Variants in RBMS3 observed in about 807,000 individuals in gnomAD.
RBMS3 encodes RNA binding motif single stranded interacting protein 3, also known as RNA-binding motif, single-stranded-interacting protein 3.
RBMS3 carries 27 observed loss-of-function variants against 66.8 expected under a neutral mutation model. The observed-to-expected ratio is 0.40, with a 90% CI of 0.30 to 0.56. The LOEUF is 0.56. Among genes scored for constraint, RBMS3 ranks in the 20% least tolerant of loss-of-function variants. The pLI, the probability that RBMS3 is intolerant of heterozygous loss-of-function variation, is 0.40. For missense variants in RBMS3, 513 were observed against 549.5 expected (o/e 0.93, Z 0.66); for synonymous variants, 188 against 183.0 (o/e 1.03, Z -0.22).
chr3:29,659,193 G>A (rs967307790), intron 4 of RBMS3, among the ~76,000 whole-genome samples: 1 of 151,908 alleles, frequency 6.6e-6, no homozygotes, highest in East Asian at 1.9e-4. Context: ...AATGTACAGA[G>A]ATTTTTTTTC....
intron 4 of RBMS3, among the ~76,000 whole-genome samples, chr3:29,699,468 C>T (rs2052443647): frequency 1.3e-5 from 2 of 152,066 alleles, no homozygotes; most frequent in African/African-American, 4.8e-5. Context: ...TTTCTAATGG[C>T]TAAAATTCAG....
chr3:29,659,722 G>A (rs2050460980), intron 4 of RBMS3, among the ~76,000 whole-genome samples: 1 of 152,096 alleles, frequency 6.6e-6, no homozygotes, highest in Non-Finnish European at 1.5e-5. Context: ...CCTTGCTTTC[G>A]ATTTTGGTGG....
intron 3 of RBMS3, among the ~76,000 whole-genome samples, chr3:29,582,900 G>A (rs540747730): frequency 1.3e-5 from 2 of 152,194 alleles, no homozygotes; most frequent in Non-Finnish European, 2.9e-5. Flanking sequence ...GGTTACTTGA[G>A]ACATTTTTAC....
intron 3 of RBMS3, among the ~76,000 whole-genome samples, chr3:29,565,194 T>C (rs766038977): frequency 6.6e-6 from 1 of 152,188 alleles, no homozygotes; most frequent in Non-Finnish European, 1.5e-5. Flanking sequence ...GTTCCAAACG[T>C]TTATCTTGTA....
chr3:29,588,914 A>G (rs1051728179), intron 4 of RBMS3, among the ~76,000 whole-genome samples: 4 of 152,062 alleles, frequency 2.6e-5, no homozygotes, highest in East Asian at 3.9e-4. Flanking sequence ...CAAGAAAATG[A>G]ATAGAAAAAT....
chr3:29,730,775 A>T lies in RBMS3; in HGVS notation c.400-8945A>T, dbSNP rs114743692. 3.9e-4 allele frequency: 291 copies of T among 745,612 alleles called. No individual in the cohort carries two copies. In the African/African-American group the frequency reaches 5.1e-3, roughly 13 times the overall value. The allele number at this position is 745,612 out of a possible 1,614,324, so 46.2% of individuals were successfully genotyped here. A position where few individuals can be genotyped will look rare whatever the true frequency, so the allele number is the denominator to read the frequency against. On this transcript the variant is annotated intron_variant, in intron 4 of 14. Transcript: ENST00000383767. ...GTTTTGTTTCCTGTTCTCATTTTTG[A>T]CCATCAGGACCACGAGTACAAAACA...
At chr3:29,423,762 T>G (rs1225344788) in intron 1 of RBMS3, among the ~76,000 whole-genome samples, 1 of 152,212 alleles carries the variant, frequency 6.6e-6, no homozygotes, top group African/African-American at 2.4e-5. Flanking sequence ...TAAATTTAAG[T>G]TAATTTTAAT....
At chr3:29,412,043 G>A (rs1471852794) in intron 1 of RBMS3, among the ~76,000 whole-genome samples, 5 of 152,158 alleles carry the variant, frequency 3.3e-5, no homozygotes, top group Non-Finnish European at 1.5e-5. Flanking sequence ...ATTCAAATGT[G>A]CATTTAGTTA....
intron 1 of RBMS3, among the ~76,000 whole-genome samples, chr3:29,420,112 C>T (rs978941210): frequency 2.0e-5 from 3 of 152,074 alleles, no homozygotes; most frequent in Non-Finnish European, 2.9e-5. Context: ...ACTTTAATTG[C>T]GGGGAGTTCT....
At chr3:29,487,243 A>C (rs768886937) in intron 2 of RBMS3, among the ~76,000 whole-genome samples, 2 of 151,974 alleles carry the variant, frequency 1.3e-5, no homozygotes, top group African/African-American at 2.4e-5. Flanking sequence ...GGGAGATGGG[A>C]AAGGGAGGAT....
At chr3:29,344,536 C>T (rs981022446) in intron 1 of RBMS3, among the ~76,000 whole-genome samples, 1 of 152,156 alleles carries the variant, frequency 6.6e-6, no homozygotes, top group African/African-American at 2.4e-5. Context: ...TTTTTAGCTT[C>T]ATAAGACTCT....
intron 3 of RBMS3, among the ~76,000 whole-genome samples, chr3:29,522,395 C>T (rs1311749248): frequency 1.3e-5 from 2 of 152,060 alleles, no homozygotes; most frequent in Admixed American, 6.5e-5. Context: ...GGTTTTATCA[C>T]GTTGGCCAGG....
chr3:29,744,805 C>G (rs2149356653), intron 5 of RBMS3, among the ~76,000 whole-genome samples: 1 of 148,902 alleles, frequency 6.7e-6, no homozygotes, highest in Non-Finnish European at 1.5e-5. Flanking sequence ...AAAAAAAGTG[C>G]TTATTTAATT....
chr3:29,391,118 AC>A, intron 1 of RBMS3: 1 of 203,920 alleles, frequency 4.9e-6, no homozygotes, highest in East Asian at 7.6e-5. Flanking sequence ...AGTGGCAGAA[AC>A]CCCAAAAAAA....
intron 1 of RBMS3, among the ~76,000 whole-genome samples, chr3:29,424,846 G>A (rs780092769): frequency 5.3e-5 from 8 of 152,140 alleles, no homozygotes; most frequent in Non-Finnish European, 1.2e-4. Context: ...AATGGAAAAT[G>A]CCTCATTATT....
intron 4 of RBMS3, among the ~76,000 whole-genome samples, chr3:29,702,805 A>G (rs1230906581): frequency 6.6e-6 from 1 of 152,190 alleles, no homozygotes; most frequent in African/African-American, 2.4e-5. Flanking sequence ...AACTCCGAAC[A>G]CGTCCGAACG....
At chr3:29,899,677 G>C in intron 9 of RBMS3, 28 bp from the exon 10 acceptor site, 1 of 1,604,230 alleles carries the variant, frequency 6.2e-7, no homozygotes, top group Non-Finnish European at 8.5e-7. Context: ...TGATTGCTTT[G>C]TGCTAATAAA....
intron 9 of RBMS3, among the ~76,000 whole-genome samples, chr3:29,898,707 T>C (rs1365950050): frequency 6.6e-6 from 1 of 151,198 alleles, no homozygotes; most frequent in Admixed American, 6.6e-5. Context: ...GTTTTTGTTC[T>C]TCCTGCAGGC....
At chr3:29,809,967 G>C (rs956753967) in intron 6 of RBMS3, among the ~76,000 whole-genome samples, 16 of 151,916 alleles carry the variant, frequency 1.1e-4, no homozygotes. Flanking sequence ...TTCAAATTTT[G>C]TTTTACTTCA....
Sources: gnomAD v4.1 joint callset for allele counts (sites outside exome capture counted in the v4.1 genomes callset) on GRCh38, gnomAD v4.1.1 for gene constraint, MANE v1.5 for transcripts, NCBI Gene and HGNC (gene_info 2026-07-23, HGNC 2026-07-21) for gene names.